AKR1C4: variants seen among roughly 807,000 people sequenced by gnomAD.
The protein encoded by AKR1C4 is aldo-keto reductase family 1 member C4.
In AKR1C4, 44 loss-of-function variants were observed where a neutral mutation model predicts 41.0. That is an observed-to-expected ratio of 1.07 (90% CI 0.84 to 1.38). AKR1C4 has a LOEUF of 1.38. Ranked by LOEUF, AKR1C4 falls within the 40% of genes most tolerant of loss-of-function variation. The probability of loss-of-function intolerance (pLI) is 0.00; values close to 1 mark genes in which losing one functional copy is unlikely to be tolerated. For missense variants in AKR1C4, 438 were observed against 387.9 expected (o/e 1.13, Z -1.09); for synonymous variants, 165 against 137.7 (o/e 1.20, Z -1.39).
At chr10:5,198,465 G>A (rs1010312055) in intron 1 of AKR1C4, among the ~76,000 whole-genome samples, 23 of 152,148 alleles carry the variant, frequency 1.5e-4, no homozygotes, top group African/African-American at 5.1e-4. Context: ...TTACAAGACC[G>A]GAAGTTTGGT....
chr10:5,202,938 TTTGTGTGTGTG>T (rs1274578180), intron 2 of AKR1C4, among the ~76,000 whole-genome samples: 6 of 77,850 alleles, frequency 7.7e-5, no homozygotes, highest in Admixed American at 7.0e-4. Context: ...ATAGTTTTCT[TTTGTGTGTGTG>T]TGTGTGTGTG....
chr10:5,218,926 TAATA>T lies in AKR1C4; in HGVS notation c.*170_*173del, dbSNP rs1832697263. 1.1e-5 allele frequency: 6 copies of T among 526,542 alleles called. No individual in the cohort carries two copies. The South Asian group carries it at 2.2e-4, about 20-fold the overall frequency. The allele number at this position is 526,542 out of a possible 1,614,324, so 32.6% of individuals were successfully genotyped here. On this transcript the variant is annotated 3_prime_UTR_variant, in exon 9 of 9. Transcript: ENST00000263126. The stretch of plus-strand genomic sequence containing the variant: ...ATATCCATGGTCCAGAAAGCAAACA[TAATA>T]AATTTTTATCTTGAAGTAATTGAAT...
intron 2 of AKR1C4, among the ~76,000 whole-genome samples, chr10:5,202,172 ATTTG>A (rs1201692216): frequency 6.6e-6 from 1 of 151,630 alleles, no homozygotes; most frequent in Non-Finnish European, 1.5e-5. Context: ...ATGTGTTTCC[ATTTG>A]TTTATGTATC....
Position 5,205,784 on chromosome 10 carries a change from G to A in AKR1C4, c.397G>A (p.Glu133Lys), listed in dbSNP as rs1832474603. The A allele has an allele frequency of 1.2e-6, 2 of 1,613,538 alleles. No homozygotes were observed. The highest frequency in any genetic ancestry group is 1.7e-6 in the Non-Finnish European group (2 of 1,179,624). Residue 133 changes from glutamate (E) to lysine (K), a missense_variant, in exon 4 of 9, where the codon GAA becomes AAA. Physicochemically the swap from Glu to Lys is moderately conservative, Grantham distance 56 (BLOSUM62 1). Coordinates refer to ENST00000263126, the MANE Select transcript of AKR1C4 (RefSeq NM_001818.5). ...AGGTGAGACGCCACTACCAAAAGATGAAAATGGAAAAGTAATATTCGACAC... is the reference window on the plus strand; with the variant it reads ...AGGTGAGACGCCACTACCAAAAGATAAAAATGGAAAAGTAATATTCGACAC... ...KPGETPLPKD[E>K]NGKVIFDTVD... is the part of the protein sequence containing the mutation.
At position 5,218,811 on chromosome 10, in the gene AKR1C4, G is replaced by A; in HGVS notation, c.*51G>A. The A allele has an allele frequency of 6.6e-7, 1 of 1,526,296 alleles. No individual in the cohort carries two copies. 94.5% of individuals were successfully genotyped at this position (1,526,296 alleles called of 1,614,324 possible). A position where few individuals can be genotyped will look rare whatever the true frequency, so the allele number is the denominator to read the frequency against. On this transcript the variant is annotated 3_prime_UTR_variant, in exon 9 of 9. Transcript: ENST00000263126. Reference sequence around the variant, plus strand: ...GCAGAAGGCCCTGTGTGTGGATGGTGATGCAGAGGATGTCTCTATGCTGGT... The same window carrying A: ...GCAGAAGGCCCTGTGTGTGGATGGTAATGCAGAGGATGTCTCTATGCTGGT...
intron 1 of AKR1C4, 132 bp downstream of exon 1, chr10:5,197,083 G>A (rs1156359411): frequency 2.4e-6 from 2 of 819,932 alleles, no homozygotes; most frequent in South Asian, 1.5e-5. Context: ...CTGGGCTAGA[G>A]CTATTCTATG....
chr10:5,202,958 T>C (rs1832424608), intron 2 of AKR1C4, among the ~76,000 whole-genome samples: 1 of 127,432 alleles, frequency 7.8e-6, no homozygotes, highest in African/African-American at 3.2e-5. Context: ...TGTGTGTGTG[T>C]GTGTGTGTGT....
At chr10:5,211,634 T>TAAGAAG (rs1832577371) in intron 5 of AKR1C4, among the ~76,000 whole-genome samples, 2 of 152,356 alleles carry the variant, frequency 1.3e-5, no homozygotes, top group Admixed American at 1.3e-4. Context: ...TATACTTTTC[T>TAAGAAG]GTCTTCTCCT....
At chr10:5,207,424 C>A (rs374883899) in intron 5 of AKR1C4, 49 of 334,608 alleles carry the variant, frequency 1.5e-4, no homozygotes, top group African/African-American at 1.1e-3. Context: ...ACTGTAGAAG[C>A]CATATGCAAG....
At chr10:5,210,355 T>G (rs560873962) in intron 5 of AKR1C4, among the ~76,000 whole-genome samples, 1 of 152,288 alleles carries the variant, frequency 6.6e-6, no homozygotes, top group Admixed American at 6.5e-5. Context: ...TGTCTGCAGC[T>G]TTTCCAGGTG....
At chr10:5,217,230 C>A (rs1011847054) in intron 8 of AKR1C4, among the ~76,000 whole-genome samples, 8 of 152,208 alleles carry the variant, frequency 5.3e-5, no homozygotes, top group African/African-American at 1.9e-4. Context: ...GGTGTCCATG[C>A]CAGAAATTCT....
chr10:5,206,975 T>C (rs781896322), intron 5 of AKR1C4, among the ~76,000 whole-genome samples: 7 of 152,130 alleles, frequency 4.6e-5, no homozygotes, highest in African/African-American at 9.7e-5. Flanking sequence ...TGAGAGTTGC[T>C]TGAGAGATAA....
intron 2 of AKR1C4, 22 bp downstream of exon 2, chr10:5,200,370 T>C (rs1554796818): frequency 1.9e-6 from 3 of 1,598,132 alleles, no homozygotes; most frequent in South Asian, 1.1e-5. Flanking sequence ...ATGATGAGCA[T>C]GTATGCACAT....
chr10:5,212,787 C>A, intron 6 of AKR1C4, 62 bp downstream of exon 6: 1 of 1,534,244 alleles, frequency 6.5e-7, no homozygotes, highest in African/African-American at 1.4e-5. Flanking sequence ...TTAGTTATAG[C>A]ATACTCAGTC....
At chr10:5,212,512 T>G (rs1832591018) in intron 5 of AKR1C4, 104 bp from the exon 6 acceptor site, 26 of 1,039,908 alleles carry the variant, frequency 2.5e-5, no homozygotes, top group Non-Finnish European at 3.4e-5. Context: ...GACAGTAATA[T>G]TCTGTTCAAA....
At chr10:5,210,472 C>T (rs1227657127) in intron 5 of AKR1C4, among the ~76,000 whole-genome samples, 8 of 152,228 alleles carry the variant, frequency 5.3e-5, no homozygotes, top group Non-Finnish European at 1.0e-4. Flanking sequence ...TGTGGGGGCT[C>T]TGACCCCAGA....
chr10:5,199,987 C>T (rs1832371944), intron 1 of AKR1C4, among the ~76,000 whole-genome samples, 194 bp from the exon 2 acceptor site: 1 of 152,206 alleles, frequency 6.6e-6, no homozygotes, highest in South Asian at 2.1e-4. Flanking sequence ...ACATCCACAC[C>T]TAGACACTGT....
At position 5,216,272 on chromosome 10, in the gene AKR1C4, G is replaced by A. The variant is rs1832655954; in HGVS notation, c.847-439G>A. Among the ~76,000 whole-genome samples the A allele has an allele frequency of 3.9e-5, 6 of 152,256 alleles. No individual in the cohort carries two copies. The South Asian group carries it at 1.0e-3, about 26-fold the overall frequency. ...GCCATTCATGAGGGATGCCCCCAGGGCACAAACACCTCCCACCAGGACCCA... is the reference window on the plus strand; with the variant it reads ...GCCATTCATGAGGGATGCCCCCAGGACACAAACACCTCCCACCAGGACCCA... On this transcript the variant is annotated intron_variant, in intron 7 of 8. Transcript: ENST00000263126.
chr10:5,202,939 T>TGTGTG (rs1832423115), intron 2 of AKR1C4, among the ~76,000 whole-genome samples: 8 of 139,190 alleles, frequency 5.7e-5, no homozygotes, highest in African/African-American at 2.0e-4. Context: ...TAGTTTTCTT[T>TGTGTG]TGTGTGTGTG....
Sources: gnomAD v4.1 joint callset for allele counts (sites outside exome capture counted in the v4.1 genomes callset) on GRCh38, gnomAD v4.1.1 for gene constraint, MANE v1.5 for transcripts, NCBI Gene and HGNC (gene_info 2026-07-23, HGNC 2026-07-21) for gene names.